The following BCAP29 variants were observed in gnomAD, a reference collection of about 807,000 sequenced individuals.
The protein encoded by BCAP29 is B-cell receptor-associated protein 29.
BCAP29 carries 34 observed loss-of-function variants against 31.8 expected under a neutral mutation model. The observed-to-expected ratio is 1.07, with a 90% CI of 0.81 to 1.42. The LOEUF (loss-of-function observed/expected upper bound fraction) is 1.42. BCAP29 is among the 40% of genes most tolerant of loss of function. The pLI is 0.00. For missense variants in BCAP29, 314 were observed against 269.2 expected, an observed-to-expected ratio of 1.17 and a Z score of -1.16; for synonymous variants, 104 against 91.3, an observed-to-expected ratio of 1.14 and a Z score of -0.79.
In BCAP29 at chr7:107,580,802, C is replaced by T; in HGVS notation, c.30C>T (p.Thr10=). The change falls in exon 2 of 8, where the codon ACC becomes ACT. Residue 10 remains threonine (T), a synonymous_variant. Transcript: ENST00000005259. The part of the protein sequence containing the change: MTLQWAAVA[T]FLYAEIGLIL... ...CACTCCAATGGGCTGCAGTGGCAAC[C>T]TTTCTTTATGCCGAAATAGGACTCA... The T allele has an allele frequency of 6.3e-7, 1 of 1,597,848 alleles. No individual in the cohort carries two copies. The highest frequency in any genetic ancestry group is 8.5e-7 in the Non-Finnish European group (1 of 1,173,442).
At chr7:107,581,587 A>T (rs956518717) in intron 2 of BCAP29, among the ~76,000 whole-genome samples, 5 of 152,216 alleles carry the variant, frequency 3.3e-5, no homozygotes, top group Non-Finnish European at 7.3e-5. Flanking sequence ...ATGGGGAAAT[A>T]CACATGTAAT....
chr7:107,599,922 G>T (rs1810847725), intron 5 of BCAP29, among the ~76,000 whole-genome samples: 1 of 152,080 alleles, frequency 6.6e-6, no homozygotes, highest in African/African-American at 2.4e-5. Flanking sequence ...TGTAGAAATG[G>T]TCCTGTCATT....
At chr7:107,596,046 C>G (rs766406352) in intron 5 of BCAP29, 44 bp downstream of exon 5, 2 of 1,488,240 alleles carry the variant, frequency 1.3e-6, no homozygotes, top group East Asian at 4.8e-5. Flanking sequence ...TTGGTGTTCC[C>G]GAGGAGTAAT....
intron 3 of BCAP29, among the ~76,000 whole-genome samples, chr7:107,592,757 A>G (rs1223842677): frequency 1.3e-5 from 2 of 152,256 alleles, no homozygotes; most frequent in East Asian, 1.9e-4. Flanking sequence ...CCATAAAAGT[A>G]ATGAAGTACT....
chr7:107,583,910 T>C lies in BCAP29; in HGVS notation c.121T>C (p.Trp41Arg), dbSNP rs773907572. The C allele has an allele frequency of 6.3e-7, 1 of 1,581,174 alleles. No homozygotes were observed. The highest frequency in any genetic ancestry group is 2.3e-5 in the East Asian group (1 of 43,640). ...RWQKIFSFNV[W>R]GKIATFWNKA... ...GCAGAAGATTTTTTCATTTAATGTC[T>C]GGGGTAAAATTGCAACTTTTTGGAA... The change falls in exon 3 of 8, where the codon TGG (tryptophan) becomes CGG (arginine). Residue 41 changes from tryptophan (W) to arginine (R), a missense_variant. By Grantham distance (101) the Trp-to-Arg change is moderately radical. Coordinates refer to ENST00000005259, the MANE Select transcript of BCAP29 (RefSeq NM_018844.4).
intron 3 of BCAP29, among the ~76,000 whole-genome samples, chr7:107,588,813 A>T (rs1421548101): frequency 2.0e-5 from 3 of 152,118 alleles, no homozygotes; most frequent in Admixed American, 6.6e-5. Context: ...CCACATGTAA[A>T]CTCCCCTTAA....
Position 107,595,887 on chromosome 7 carries a change from C to G in BCAP29, c.365C>G (p.Thr122Arg). ...CTTAGAGTTTTGAGACGTCTGGTTACGCTTATTACTCAACTGGCAAAAGAA... is the reference window on the plus strand; with the variant it reads ...CTTAGAGTTTTGAGACGTCTGGTTAGGCTTATTACTCAACTGGCAAAAGAA... ...FFWLVLRRLV[T>R]LITQLAKELS... Residue 122 changes from threonine (T) to arginine (R), a missense_variant, in exon 5 of 8, where the codon ACG becomes AGG. Thr to Arg is a moderately conservative substitution (Grantham distance 71, BLOSUM62 -1). Transcript: ENST00000005259. 6.2e-7 allele frequency: 1 copy of G among 1,601,884 alleles called. No individual in the cohort carries two copies. The highest frequency in any genetic ancestry group is 8.5e-7 in the Non-Finnish European group (1 of 1,176,372).
chr7:107,582,322 A>T (rs1047212217), intron 2 of BCAP29, among the ~76,000 whole-genome samples: 1 of 152,188 alleles, frequency 6.6e-6, no homozygotes, highest in Non-Finnish European at 1.5e-5. Flanking sequence ...TTTGCATATG[A>T]TATATAAATG....
At chr7:107,596,282 G>T (rs975112651) in intron 5 of BCAP29, among the ~76,000 whole-genome samples, 1 of 152,052 alleles carries the variant, frequency 6.6e-6, no homozygotes, top group African/African-American at 2.4e-5. Flanking sequence ...ATAGTATTCT[G>T]GGAATATGAA....
chr7:107,607,723 G>A (rs6945787), intron 6 of BCAP29, among the ~76,000 whole-genome samples: 6,574 of 143,592 alleles, frequency 0.046, 174 homozygotes, highest in Middle Eastern at 0.072. Flanking sequence ...TGCAACCTCC[G>A]CCCCCCAGGT....
intron 5 of BCAP29, among the ~76,000 whole-genome samples, chr7:107,596,877 G>C (rs1426489478): frequency 6.6e-6 from 1 of 152,136 alleles, no homozygotes; most frequent in African/African-American, 2.4e-5. Context: ...ACCCATGCAA[G>C]GAAACTTATG....
intron 6 of BCAP29, among the ~76,000 whole-genome samples, chr7:107,602,962 T>C (rs920184298): frequency 4.4e-5 from 6 of 137,396 alleles, no homozygotes; most frequent in Admixed American, 8.1e-5. Flanking sequence ...CCTTCTTTTA[T>C]TCTTTTTTTT....
At chr7:107,585,948 G>T (rs529067043) in intron 3 of BCAP29, among the ~76,000 whole-genome samples, 3 of 152,082 alleles carry the variant, frequency 2.0e-5, no homozygotes, top group Middle Eastern at 3.4e-3. Context: ...CCGAGATCGC[G>T]CCATTGCACT....
chr7:107,600,321 C>T, intron 5 of BCAP29, 76 bp from the exon 6 acceptor site: 3 of 877,248 alleles, frequency 3.4e-6, no homozygotes, highest in Middle Eastern at 2.2e-4. Context: ...AGATAGGTTA[C>T]TCAGCTTATT....
rs1810501397 is a variant in BCAP29, at chr7:107,599,189, G to GTATATAAATATATATTTATAAA, written c.481-1198_481-1197insTATATTTATAAATATATAAATA. On this transcript the variant is annotated intron_variant, in intron 5 of 7. Transcript: ENST00000005259. ...TATATAAATATATTAAAATTTATAT[G>GTATATAAATATATATTTATAAA]TATATAAATACATATTTATAAATAT... Among the ~76,000 whole-genome samples, 2 of 23,874 alleles carry GTATATAAATATATATTTATAAA rather than the reference G, an allele frequency of 8.4e-5. 1 individual carries two copies. Among genetic ancestry groups the GTATATAAATATATATTTATAAA allele is most frequent in the African/African-American group, 5.4e-4 (2 of 3,736 alleles). The allele number at this position is 23,874 out of a possible 152,430, so 15.7% of individuals were successfully genotyped here.
chr7:107,585,457 A>G (rs1194157358), intron 3 of BCAP29, among the ~76,000 whole-genome samples: 1 of 152,228 alleles, frequency 6.6e-6, no homozygotes, highest in East Asian at 1.9e-4. Context: ...TCAGTAAAGA[A>G]CAATAAGGAA....
intron 3 of BCAP29, chr7:107,588,021 A>G (rs1243837609): frequency 6.6e-6 from 1 of 152,192 alleles, no homozygotes; most frequent in Non-Finnish European, 1.5e-5. Context: ...TATAACACAG[A>G]GAAAAATAAT....
chr7:107,580,481 T>G, intron 1 of BCAP29, 180 bp downstream of exon 1: 14 of 308,950 alleles, frequency 4.5e-5, no homozygotes, highest in East Asian at 2.5e-4. Context: ...AAGCCGGGCG[T>G]TGGTGGAGGG....
chr7:107,585,160 T>C (rs552896336), intron 3 of BCAP29, among the ~76,000 whole-genome samples: 12 of 152,178 alleles, frequency 7.9e-5, no homozygotes, highest in Non-Finnish European at 1.3e-4. Flanking sequence ...TCCCTCAGAG[T>C]TGTTGTGTTG....
Sources: gnomAD v4.1 joint callset for allele counts (sites outside exome capture counted in the v4.1 genomes callset) on GRCh38, gnomAD v4.1.1 for gene constraint, MANE v1.5 for transcripts, NCBI Gene and HGNC (gene_info 2026-07-23, HGNC 2026-07-21) for gene names.